The following POLD3 variants were observed in gnomAD, a reference collection of about 807,000 sequenced individuals.
POLD3 encodes DNA polymerase delta subunit 3.
In POLD3, 19 loss-of-function variants were observed where a neutral mutation model predicts 58.2. The observed-to-expected ratio is 0.33, with a 90% confidence interval of 0.23 to 0.48. The LOEUF (loss-of-function observed/expected upper bound fraction) is 0.48, where lower values mean the gene tolerates loss of function less well. Among genes scored for constraint, POLD3 ranks in the 20% least tolerant of loss-of-function variants. The pLI is 0.99. For synonymous variants in POLD3, 172 were observed against 193.5 expected (o/e 0.89, Z 0.92); for missense variants, 504 against 545.5 (o/e 0.92, Z 0.76).
At chr11:74,616,364 C>T (rs1200158721) in intron 5 of POLD3, among the ~76,000 whole-genome samples, 2 of 152,106 alleles carry the variant, frequency 1.3e-5, no homozygotes, top group Admixed American at 6.5e-5. Context: ...TAAGAAGTGC[C>T]GTGACATGAA....
intron 4 of POLD3, among the ~76,000 whole-genome samples, chr11:74,659,856 G>T (rs571013076): frequency 6.6e-6 from 1 of 152,140 alleles, no homozygotes; most frequent in African/African-American, 2.4e-5. Flanking sequence ...ACATTTTTCT[G>T]TCTTCTTCTG....
chr11:74,632,047 A>G (rs531975142), intron 9 of POLD3, among the ~76,000 whole-genome samples: 124 of 152,342 alleles, frequency 8.1e-4, no homozygotes, highest in African/African-American at 2.9e-3. Context: ...ATTAAGAATA[A>G]CATCTACATT....
At chr11:74,625,817 AATTG>A (rs1360418766) in intron 8 of POLD3, among the ~76,000 whole-genome samples, 3 of 150,230 alleles carry the variant, frequency 2.0e-5, no homozygotes, top group Non-Finnish European at 4.4e-5. Context: ...TATTGATCTA[AATTG>A]ATTGTTGATT....
At chr11:74,667,077 G>A (rs1451811922) in intron 4 of POLD3, among the ~76,000 whole-genome samples, 1 of 152,122 alleles carries the variant, frequency 6.6e-6, no homozygotes, top group Admixed American at 6.5e-5. Context: ...ATAAAGTTAG[G>A]CCCCTTTCTT....
intron 7 of POLD3, among the ~76,000 whole-genome samples, chr11:74,625,005 A>C (rs1297083607): frequency 6.6e-6 from 1 of 152,214 alleles, no homozygotes; most frequent in Non-Finnish European, 1.5e-5. Flanking sequence ...CAGGCATTAA[A>C]AGATAGAATA....
intron 11 of POLD3, among the ~76,000 whole-genome samples, 199 bp downstream of exon 11, chr11:74,636,474 T>A (rs927912566): frequency 6.6e-6 from 1 of 152,208 alleles, no homozygotes; most frequent in African/African-American, 2.4e-5. Flanking sequence ...CTTGTTTAGG[T>A]CATAGACTAT....
chr11:74,648,639 G>A (rs1840823440), intron 4 of POLD3, among the ~76,000 whole-genome samples: 1 of 152,214 alleles, frequency 6.6e-6, no homozygotes, highest in Admixed American at 6.5e-5. Context: ...TTAGAGAGTT[G>A]TAAGTGGTTT....
At chr11:74,603,981 G>A (rs1241556312) in intron 2 of POLD3, among the ~76,000 whole-genome samples, 3 of 152,204 alleles carry the variant, frequency 2.0e-5, no homozygotes, top group African/African-American at 7.2e-5. Flanking sequence ...TCTGCATTTA[G>A]TATTTGGCTA....
intron 4 of POLD3, among the ~76,000 whole-genome samples, chr11:74,663,342 T>C (rs887846612): frequency 6.6e-6 from 1 of 152,218 alleles, no homozygotes; most frequent in Non-Finnish European, 1.5e-5. Context: ...CCAATCAAAT[T>C]TCTAGTAGGC....
rs754643321 is a variant in POLD3 at position 74,629,368 on chromosome 11, T to C, written c.1006+45T>C. On this transcript the variant is annotated intron_variant, in intron 9 of 11. Coordinates refer to ENST00000263681, the MANE Select transcript of POLD3 (RefSeq NM_006591.3). ...TTGGGTTAGGGGGATCAATTTTACT[T>C]TCAATGTTCAAGGAGCTAAAAAAGT... 9 of 1,086,682 alleles carry C rather than the reference T, an allele frequency of 8.3e-6. No homozygotes were observed. In the South Asian group the frequency reaches 1.2e-4, roughly 15 times the overall value. 67.3% of individuals were successfully genotyped at this position (1,086,682 alleles called of 1,614,324 possible). A position where few individuals can be genotyped will look rare whatever the true frequency, so the allele number is the denominator to read the frequency against.
At chr11:74,626,369 T>G (rs1315432721) in intron 8 of POLD3, among the ~76,000 whole-genome samples, 2 of 152,208 alleles carry the variant, frequency 1.3e-5, no homozygotes, top group African/African-American at 2.4e-5. Flanking sequence ...TGATGATAAA[T>G]GTAGATTTTT....
intron 4 of POLD3, among the ~76,000 whole-genome samples, chr11:74,649,646 A>G (rs958707947): frequency 2.0e-5 from 3 of 152,202 alleles, no homozygotes; most frequent in Non-Finnish European, 4.4e-5. Context: ...AGAATTGTGC[A>G]TAGTTCATAA....
intron 9 of POLD3, among the ~76,000 whole-genome samples, chr11:74,633,025 A>G (rs11820863): frequency 0.029 from 4,380 of 152,126 alleles, 250 homozygotes; most frequent in African/African-American, 0.1. Flanking sequence ...ACATTTGCCT[A>G]CAGTGCTGTG....
chr11:74,613,430 GT>G (rs34472322), intron 5 of POLD3, among the ~76,000 whole-genome samples: 129,914 of 151,676 alleles, frequency 0.86, 56,145 homozygotes, highest in African/African-American at 0.97. Flanking sequence ...CCAGGATCAG[GT>G]TTTTTTTTAA....
chr11:74,630,975 G>T (rs2032573246), intron 9 of POLD3, among the ~76,000 whole-genome samples: 3 of 152,154 alleles, frequency 2.0e-5, no homozygotes, highest in Non-Finnish European at 4.4e-5. Context: ...TGCAATAGAG[G>T]TACACAGCCT....
At position 74,632,862 on chromosome 11, in the gene POLD3, CTTTA is replaced by C. The variant is rs541727641; in HGVS notation, c.1007-1716_1007-1713del. Among the ~76,000 whole-genome samples the C allele has an allele frequency of 2.8e-3, 318 of 111,732 alleles. 2 individuals carry two copies. The highest frequency in any genetic ancestry group is 4.0e-3 in the Non-Finnish European group (244 of 60,776). The allele number at this position is 111,732 out of a possible 152,430, so 73.3% of individuals were successfully genotyped here. ...TTTAGTTCAGAAAGTGGTGGTTTTC[CTTTA>C]TTTAAGTAAATACACACACACACAC... On this transcript the variant is annotated intron_variant, in intron 9 of 11. Coordinates refer to ENST00000263681, the MANE Select transcript of POLD3 (RefSeq NM_006591.3).
intron 4 of POLD3, among the ~76,000 whole-genome samples, chr11:74,668,151 CT>C (rs1358735132): frequency 6.6e-6 from 1 of 152,172 alleles, no homozygotes; most frequent in African/African-American, 2.4e-5. Context: ...GGTGCAGGCA[CT>C]TTGGGACACT....
chr11:74,636,308 T>C, intron 11 of POLD3, 33 bp downstream of exon 11: 2 of 1,603,796 alleles, frequency 1.2e-6, no homozygotes, highest in Non-Finnish European at 1.7e-6. Flanking sequence ...AATCCAGAGA[T>C]AGAATCTCTT....
intron 4 of POLD3, among the ~76,000 whole-genome samples, chr11:74,662,277 T>G (rs748552866): frequency 8.6e-5 from 13 of 152,034 alleles, no homozygotes; most frequent in Non-Finnish European, 1.3e-4. Flanking sequence ...CCATCACAGC[T>G]GGGAATGTGC....
Sources: allele counts gnomAD v4.1 joint callset (sites outside exome capture counted in the v4.1 genomes callset), GRCh38; gene constraint gnomAD v4.1.1; transcripts MANE v1.5; gene names NCBI Gene and HGNC (gene_info 2026-07-23, HGNC 2026-07-21).